Variants in FBLN1 observed in about 807,000 individuals in gnomAD.
FBLN1 encodes the protein fibulin 1.
A neutral mutation model predicts 89.7 loss-of-function variants in FBLN1; 34 were observed. The ratio of observed to expected loss-of-function variants is 0.38; its 90% CI spans 0.29 to 0.50. The LOEUF (loss-of-function observed/expected upper bound fraction) is 0.50, where lower values mean the gene tolerates loss of function less well. FBLN1 is among the 20% of genes least tolerant of loss of function. The pLI, the probability that FBLN1 is intolerant of heterozygous loss-of-function variation, is 0.92. For missense variants in FBLN1, 777 were observed against 988.1 expected (o/e 0.79, Z 2.86); for synonymous variants, 393 against 391.3 (o/e 1.00, Z -0.05).
chr22:45,528,843 A>G (rs2088366222), intron 4 of FBLN1, among the ~76,000 whole-genome samples: 1 of 152,168 alleles, frequency 6.6e-6, no homozygotes, highest in Non-Finnish European at 1.5e-5. Context: ...CCTTATCTGA[A>G]AGCCGCTGTC....
intron 10 of FBLN1, among the ~76,000 whole-genome samples, chr22:45,542,654 C>A (rs1393114143): frequency 6.6e-6 from 1 of 152,208 alleles, no homozygotes; most frequent in East Asian, 1.9e-4. Context: ...GTGCCTTTAG[C>A]CCAGGGCAGC....
intron 16 of FBLN1, among the ~76,000 whole-genome samples, chr22:45,582,057 G>A (rs866018051): frequency 6.6e-6 from 1 of 152,272 alleles, no homozygotes; most frequent in African/African-American, 2.4e-5. Context: ...TGCGGTTGAG[G>A]TTGTACCCAC....
chr22:45,569,618 G>A (rs1006539902), intron 14 of FBLN1, among the ~76,000 whole-genome samples: 8 of 151,602 alleles, frequency 5.3e-5, no homozygotes, highest in African/African-American at 1.9e-4. Flanking sequence ...CAGCCTGGGT[G>A]ACAGGGCAAG....
Position 45,563,044 on chromosome 22 carries a change from T to G in FBLN1, c.1698-11467T>G. The G allele has an allele frequency of 6.2e-7, 1 of 1,613,362 alleles. No homozygotes were observed. Among genetic ancestry groups the G allele is most frequent in the Middle Eastern group, 1.6e-4 (1 of 6,062 alleles). On this transcript the variant is annotated intron_variant, in intron 14 of 16. Coordinates refer to ENST00000327858, the MANE Select transcript of FBLN1 (RefSeq NM_006486.3). This position sits in a 1 kb window ranked among gnomAD's most constrained non-coding sequence, Gnocchi z 5.7. ...TGGTTTTCCGCATGGGCCCCTCCAG[T>G]GCTGTCCCCGGGGACAGCATGCAGC...
At chr22:45,552,140 A>G (rs2088710868) in intron 14 of FBLN1, among the ~76,000 whole-genome samples, 1 of 152,210 alleles carries the variant, frequency 6.6e-6, no homozygotes. Flanking sequence ...TAGACAGCCC[A>G]CAGAGGGCTT....
At position 45,587,951 on chromosome 22, in the gene FBLN1, T is replaced by C. The variant is rs542534296; in HGVS notation, c.1972+10843T>C. Among the ~76,000 whole-genome samples, 5 of 152,156 alleles carry C rather than the reference T, an allele frequency of 3.3e-5. No homozygotes were observed. The East Asian group carries it at 9.7e-4, about 29-fold the overall frequency. On this transcript the variant is annotated intron_variant, in intron 16 of 16. Coordinates refer to ENST00000327858, the MANE Select transcript of FBLN1 (RefSeq NM_006486.3). ...CTTTTGCAACTCTCCTCATACTCAT[T>C]CTCCCAACGAGTAATGTGTGTATCC...
intron 1 of FBLN1, among the ~76,000 whole-genome samples, chr22:45,504,916 A>G (rs1421039162): frequency 6.6e-6 from 1 of 152,142 alleles, no homozygotes; most frequent in Non-Finnish European, 1.5e-5. Flanking sequence ...AATTTGGTAC[A>G]GTTTGGGAAG....
At chr22:45,518,105 C>G (rs1403409350) in intron 1 of FBLN1, among the ~76,000 whole-genome samples, 2 of 137,430 alleles carry the variant, frequency 1.5e-5, no homozygotes, top group Non-Finnish European at 3.0e-5. Flanking sequence ...GCACTCCAGC[C>G]TGGGCGACAG....
At chr22:45,515,710 G>C (rs80680) in intron 1 of FBLN1, among the ~76,000 whole-genome samples, 135,403 of 152,238 alleles carry the variant, frequency 0.89, 60,361 homozygotes, top group Middle Eastern at 0.98. Flanking sequence ...ATCCTCCAGC[G>C]ACTGTTTACA....
intron 16 of FBLN1, among the ~76,000 whole-genome samples, chr22:45,584,737 G>A (rs1347608747): frequency 1.3e-5 from 2 of 152,206 alleles, no homozygotes; most frequent in Non-Finnish European, 2.9e-5. Flanking sequence ...GCCTTCTTAG[G>A]GGACAACAGG....
chr22:45,553,815 C>T (rs1041729236), intron 14 of FBLN1, among the ~76,000 whole-genome samples: 2 of 152,124 alleles, frequency 1.3e-5, no homozygotes, highest in African/African-American at 4.8e-5. Flanking sequence ...ACCAGAACAC[C>T]ACGCACACCT....
rs991266473 is a variant in FBLN1, at chr22:45,536,393, C to T, written c.922+1056C>T. ...TGTGAATGCAGTAATGCCCCTGAAC[C>T]GTCTACTTAAAATGGTTACGATGGC... is the stretch of plus-strand genomic sequence containing the variant. On this transcript the variant is annotated intron_variant, in intron 8 of 16. Coordinates refer to ENST00000327858, the MANE Select transcript of FBLN1 (RefSeq NM_006486.3). The surrounding 1 kb of genome is among the most constrained non-coding windows in gnomAD (Gnocchi z 5.1). Among the ~76,000 whole-genome samples the T allele has an allele frequency of 6.6e-6, 1 of 151,914 alleles. No homozygotes were observed. Among genetic ancestry groups the T allele is most frequent in the Non-Finnish European group, 1.5e-5 (1 of 67,988 alleles).
intron 1 of FBLN1, among the ~76,000 whole-genome samples, chr22:45,516,193 T>C (rs546543325): frequency 4.5e-4 from 67 of 149,642 alleles, no homozygotes; most frequent in Admixed American, 3.9e-3. Context: ...GACACGAGGG[T>C]GAAACTGCAG....
Position 45,561,927 on chromosome 22 carries a change from A to G in FBLN1, c.1697+11312A>G, listed in dbSNP as rs190636348. Among the ~76,000 whole-genome samples, 711 of 152,024 alleles carry G rather than the reference A, an allele frequency of 4.7e-3. 4 individuals carry two copies. Among genetic ancestry groups the G allele is most frequent in the Non-Finnish European group, 6.6e-3 (451 of 67,970 alleles). On this transcript the variant is annotated intron_variant, in intron 14 of 16. Coordinates refer to ENST00000327858, the MANE Select transcript of FBLN1 (RefSeq NM_006486.3). This position sits in a 1 kb window ranked among gnomAD's most constrained non-coding sequence, Gnocchi z 4.7. ...AGGCTAGGCCAGTCTCTCCTATCACATTTTTCTGCCTGCTTATAGTCTAGC... is the reference window on the plus strand; with the variant it reads ...AGGCTAGGCCAGTCTCTCCTATCACGTTTTTCTGCCTGCTTATAGTCTAGC...
In FBLN1 at chr22:45,600,308, T is replaced by C; in HGVS notation, c.1974T>C (p.Gly658=). ...GCACACCTTCTGCTCTCTCCGCAGG[T>C]GTCGTGCGCCAGGTGCGGCCCATCG... is the stretch of plus-strand genomic sequence containing the variant. ...IKRYMDGMTV[G]VVRQVRPIVG... The change falls in exon 17 of 17, where the codon GGT becomes GGC. Residue 658 remains glycine (G), a splice_region_variant and synonymous_variant. Coordinates refer to ENST00000327858, the MANE Select transcript of FBLN1 (RefSeq NM_006486.3). The C allele has an allele frequency of 1.2e-6, 2 of 1,614,224 alleles. No homozygotes were observed. The highest frequency in any genetic ancestry group is 1.7e-6 in the Non-Finnish European group (2 of 1,180,042).
chr22:45,510,888 G>T (rs577166148), intron 1 of FBLN1, among the ~76,000 whole-genome samples: 1 of 152,142 alleles, frequency 6.6e-6, no homozygotes, highest in African/African-American at 2.4e-5. Flanking sequence ...GGTATCTGAG[G>T]CCTGTGAACT....
chr22:45,548,131 C>T (rs2088655331), intron 12 of FBLN1, among the ~76,000 whole-genome samples: 1 of 152,208 alleles, frequency 6.6e-6, no homozygotes, highest in Non-Finnish European at 1.5e-5. Flanking sequence ...TCACTGCAGC[C>T]TCCATCTCCT....
At chr22:45,535,501 C>A in intron 8 of FBLN1, 164 bp downstream of exon 8, 1 of 777,612 alleles carries the variant, frequency 1.3e-6, no homozygotes, top group Non-Finnish European at 2.1e-6. Flanking sequence ...ATACTTTAGC[C>A]GTTGTGGGCC....
At chr22:45,507,383 C>T (rs1602156531) in intron 1 of FBLN1, among the ~76,000 whole-genome samples, 1 of 152,332 alleles carries the variant, frequency 6.6e-6, no homozygotes, top group East Asian at 1.9e-4. Flanking sequence ...CCCACAAACT[C>T]TCTGCCTCTG....
Sources: allele counts gnomAD v4.1 joint callset (sites outside exome capture counted in the v4.1 genomes callset), GRCh38; gene constraint gnomAD v4.1.1; non-coding constraint Gnocchi (gnomAD v3.1); transcripts MANE v1.5; gene names NCBI Gene and HGNC (gene_info 2026-07-23, HGNC 2026-07-21).